The following DNAH11 variants were observed in gnomAD, a reference collection of about 807,000 sequenced individuals.
DNAH11 encodes the protein dynein axonemal heavy chain 11.
DNAH11 carries 442 observed loss-of-function variants against 526.0 expected under a neutral mutation model. That is an observed-to-expected ratio of 0.84 (90% CI 0.78 to 0.91). The LOEUF is 0.91. DNAH11 is among the 40% of genes least tolerant of loss of function. The pLI is 0.00. For synonymous variants in DNAH11, 2,461 were observed against 1,935.9 expected (o/e 1.27, Z -7.12); for missense variants, 6,989 against 5,448.7 (o/e 1.28, Z -8.90).
In DNAH11 at chr7:21,681,669, T is replaced by A. The variant is rs1583589486; in HGVS notation, c.5452T>A (p.Ser1818Thr). The A allele has an allele frequency of 2.5e-6, 4 of 1,613,962 alleles. No individual in the cohort carries two copies. Among genetic ancestry groups the A allele is most frequent in the Non-Finnish European group, 3.4e-6 (4 of 1,179,846 alleles). The change falls in exon 31 of 82, where the codon TCT becomes ACT. Residue 1818 changes from serine (S) to threonine (T), a missense_variant. Coordinates refer to ENST00000409508, the MANE Select transcript of DNAH11 (RefSeq NM_001277115.2). ...HARDVVAKLI[S>T]QKVVSPQAFT... ...CAGAGACGTGGTGGCAAAACTTATT[T>A]CTCAGAAGGCAAGTTGTTTGTAGAA...
At chr7:21,819,445 A>G (rs527828205) in intron 65 of DNAH11, among the ~76,000 whole-genome samples, 6 of 152,308 alleles carry the variant, frequency 3.9e-5, no homozygotes, top group South Asian at 2.1e-4. Context: ...ATTTAGAACA[A>G]TCTAACAAGC....
chr7:21,796,239 T>C (rs999330945), intron 61 of DNAH11, among the ~76,000 whole-genome samples: 2 of 152,212 alleles, frequency 1.3e-5, no homozygotes, highest in African/African-American at 2.4e-5. Context: ...AAGGCAAACG[T>C]AGATTCAGTG....
intron 66 of DNAH11, among the ~76,000 whole-genome samples, chr7:21,845,436 G>A (rs1185128535): frequency 6.6e-6 from 1 of 152,064 alleles, no homozygotes; most frequent in Non-Finnish European, 1.5e-5. Flanking sequence ...TGGCTATCTA[G>A]TTGTCTCAGC....
chr7:21,711,696 G>A lies in DNAH11; in HGVS notation c.6835-16G>A. On this transcript the variant is annotated splice_polypyrimidine_tract_variant and intron_variant, in intron 41 of 81. Transcript: ENST00000409508. Reference sequence around the variant, plus strand: ...ATTGCTTTTGCCCATGGGTGACAGTGTGCTGCTCACTCCAGGTGCTGACCC... The same window carrying A: ...ATTGCTTTTGCCCATGGGTGACAGTATGCTGCTCACTCCAGGTGCTGACCC... 1 of 1,611,000 alleles carries A rather than the reference G, an allele frequency of 6.2e-7. No individual in the cohort carries two copies. The highest frequency in any genetic ancestry group is 8.5e-7 in the Non-Finnish European group (1 of 1,177,850).
At chr7:21,663,486 T>G (rs1270544879) in intron 30 of DNAH11, among the ~76,000 whole-genome samples, 2 of 152,148 alleles carry the variant, frequency 1.3e-5, no homozygotes, top group African/African-American at 4.8e-5. Context: ...CACCAACATC[T>G]GTGTTGTTGT....
intron 2 of DNAH11, among the ~76,000 whole-genome samples, chr7:21,548,989 C>G (rs7801854): frequency 0.19 from 29,508 of 151,744 alleles, 2,943 homozygotes; most frequent in Middle Eastern, 0.27. Flanking sequence ...TCAAGCAATT[C>G]TCCTACCTCA....
intron 76 of DNAH11, among the ~76,000 whole-genome samples, chr7:21,889,185 A>G (rs991690822): frequency 1.6e-4 from 25 of 152,354 alleles, no homozygotes; most frequent in South Asian, 1.0e-3. Context: ...TTCACTTGGC[A>G]TAATGTTTTC....
At chr7:21,721,945 A>C (rs1203727608) in intron 44 of DNAH11, among the ~76,000 whole-genome samples, 1 of 152,122 alleles carries the variant, frequency 6.6e-6, no homozygotes, top group African/African-American at 2.4e-5. Context: ...TTTTTAGCTG[A>C]AAGTGAAATA....
rs778213079 is a variant in DNAH11 at position 21,601,442 on chromosome 7, C to G, written c.3472C>G (p.Gln1158Glu). ...EFIKETDSGL[Q>E]RELNEGDHDG... Reference sequence around the variant, plus strand: ...TATAAAGGAGACAGATTCCGGACTTCAGAGAGAATTAAATGAAGGTGATCA... The same window carrying G: ...TATAAAGGAGACAGATTCCGGACTTGAGAGAGAATTAAATGAAGGTGATCA... Residue 1158 changes from glutamine (Q) to glutamate (E), a missense_variant, in exon 18 of 82, where the codon CAG becomes GAG. Transcript: ENST00000409508. The G allele has an allele frequency of 1.9e-6, 3 of 1,613,558 alleles. No individual in the cohort carries two copies. Among genetic ancestry groups the G allele is most frequent in the Non-Finnish European group, 1.7e-6 (2 of 1,179,728 alleles).
At chr7:21,831,543 A>C (rs781425549) in intron 65 of DNAH11, among the ~76,000 whole-genome samples, 8 of 152,142 alleles carry the variant, frequency 5.3e-5, no homozygotes, top group Non-Finnish European at 1.2e-4. Flanking sequence ...CAAGATGTAA[A>C]ACCCAGTTTT....
At chr7:21,716,049 G>A (rs1338944645) in intron 42 of DNAH11, among the ~76,000 whole-genome samples, 4 of 151,974 alleles carry the variant, frequency 2.6e-5, no homozygotes, top group South Asian at 2.1e-4. Flanking sequence ...CCATGAAACC[G>A]CTATTACCTG....
At chr7:21,770,497 A>G (rs894631071) in intron 55 of DNAH11, among the ~76,000 whole-genome samples, 16 of 152,170 alleles carry the variant, frequency 1.1e-4, no homozygotes, top group Non-Finnish European at 2.4e-4. Flanking sequence ...GGGATGCTCA[A>G]CCAGTTCCTG....
In DNAH11 at chr7:21,707,079, C is replaced by T. The variant is rs150192165; in HGVS notation, c.6547-620C>T. 1.2e-4 allele frequency among the ~76,000 whole-genome samples: 19 copies of T among 152,290 alleles called. No homozygotes were observed. In the East Asian group the frequency reaches 3.7e-3, roughly 29 times the overall value. On this transcript the variant is annotated intron_variant, in intron 39 of 81. Transcript: ENST00000409508. ...AAAGATATTTAGCAACCTCCCTGGTCTCTATCCACTGGATGTCCAGAAGCT... is the reference window on the plus strand; with the variant it reads ...AAAGATATTTAGCAACCTCCCTGGTTTCTATCCACTGGATGTCCAGAAGCT...
At chr7:21,612,677 C>T (rs967253955) in intron 20 of DNAH11, among the ~76,000 whole-genome samples, 2 of 151,456 alleles carry the variant, frequency 1.3e-5, no homozygotes, top group Admixed American at 1.3e-4. Flanking sequence ...AGAATGAACA[C>T]TCAAAAATTA....
intron 61 of DNAH11, among the ~76,000 whole-genome samples, chr7:21,793,098 A>G (rs1788545898): frequency 6.6e-6 from 1 of 152,144 alleles, no homozygotes; most frequent in African/African-American, 2.4e-5. Flanking sequence ...GTTTCAAAAT[A>G]TTTTTAAATT....
Position 21,765,004 on chromosome 7 carries a change from G to C in DNAH11, c.8941-424G>C, listed in dbSNP as rs1187531080. 2.0e-5 allele frequency among the ~76,000 whole-genome samples: 3 copies of C among 152,176 alleles called. No individual in the cohort carries two copies. The East Asian group carries it at 5.8e-4, about 29-fold the overall frequency. ...AAGATGATAAGACATTGTTTTTAAA[G>C]TGTATTATGCAGCTTTATGGAACCT... On this transcript the variant is annotated intron_variant, in intron 54 of 81. Coordinates refer to ENST00000409508, the MANE Select transcript of DNAH11 (RefSeq NM_001277115.2).
intron 18 of DNAH11, among the ~76,000 whole-genome samples, chr7:21,602,976 C>G (rs910563089): frequency 6.6e-6 from 1 of 152,016 alleles, no homozygotes; most frequent in East Asian, 1.9e-4. Flanking sequence ...CTATCTAGTT[C>G]CAGAAATTTT....
chr7:21,872,122 T>TCAAAAAAAAAAAA lies in DNAH11; in HGVS notation c.11968-1151_11968-1139dup, dbSNP rs1783518973. On this transcript the variant is annotated intron_variant, in intron 73 of 81. Transcript: ENST00000409508. ...CTGGGTGACAGAGCGAGACTCTGTC[T>TCAAAAAAAAAAAA]CAAAAAAAAAAAAAAAAAAAAAAAA... Among the ~76,000 whole-genome samples the TCAAAAAAAAAAAA allele has an allele frequency of 4.0e-4, 2 of 4,972 alleles. 1 individual carries two copies. Among genetic ancestry groups the TCAAAAAAAAAAAA allele is most frequent in the Non-Finnish European group, 1.3e-3 (2 of 1,566 alleles). The allele number at this position is 4,972 out of a possible 152,430, so 3.3% of individuals were successfully genotyped here. A position where few individuals can be genotyped will look rare whatever the true frequency, so the allele number is the denominator to read the frequency against.
At chr7:21,731,766 G>A (rs1452238704) in intron 45 of DNAH11, among the ~76,000 whole-genome samples, 7 of 151,992 alleles carry the variant, frequency 4.6e-5, no homozygotes, top group African/African-American at 7.3e-5. Flanking sequence ...ATCTCATGCC[G>A]CCCCACTTTA....
Sources: allele counts gnomAD v4.1 joint callset (sites outside exome capture counted in the v4.1 genomes callset), GRCh38; gene constraint gnomAD v4.1.1; transcripts MANE v1.5; gene names NCBI Gene and HGNC (gene_info 2026-07-23, HGNC 2026-07-21).